WDR72: variants seen among roughly 807,000 people sequenced by gnomAD.
WDR72 encodes the protein WD repeat domain 72, also known as WD repeat-containing protein 72.
Under a neutral mutation model 124.2 loss-of-function variants are expected in WDR72, and 120 were observed. The observed-to-expected ratio is 0.97, with a 90% CI of 0.83 to 1.12. The LOEUF (loss-of-function observed/expected upper bound fraction) is 1.12. Ranked by LOEUF, WDR72 falls within the 50% of genes most tolerant of loss-of-function variation. The pLI is 0.00. For synonymous variants in WDR72, 452 were observed against 441.7 expected (o/e 1.02, Z -0.29); for missense variants, 1,387 against 1,278.8 (o/e 1.08, Z -1.29).
intron 19 of WDR72, among the ~76,000 whole-genome samples, chr15:53,521,905 C>T (rs1408721961): frequency 6.6e-6 from 1 of 152,074 alleles, no homozygotes; most frequent in Non-Finnish European, 1.5e-5. Flanking sequence ...TATTTACCCT[C>T]TCCCTTTTAG....
intron 18 of WDR72, among the ~76,000 whole-genome samples, chr15:53,528,580 T>C (rs938578926): frequency 1.3e-5 from 2 of 152,178 alleles, no homozygotes; most frequent in Non-Finnish European, 2.9e-5. Context: ...TTTCAACTAA[T>C]AAAAAATGAA....
At chr15:53,528,803 T>A (rs963652274) in intron 18 of WDR72, among the ~76,000 whole-genome samples, 3 of 151,974 alleles carry the variant, frequency 2.0e-5, no homozygotes, top group Admixed American at 2.0e-4. Context: ...GAGAAAGAGG[T>A]ATCAATTGCT....
intron 2 of WDR72, among the ~76,000 whole-genome samples, chr15:53,724,442 T>C (rs537730365): frequency 2.0e-4 from 31 of 152,264 alleles, no homozygotes; most frequent in African/African-American, 7.5e-4. Context: ...GACTCACAGT[T>C]CCACAGGCTT....
At chr15:53,680,639 C>T (rs1052881446) in intron 13 of WDR72, among the ~76,000 whole-genome samples, 1 of 152,178 alleles carries the variant, frequency 6.6e-6, no homozygotes, top group Non-Finnish European at 1.5e-5. Context: ...AGAACCTTAA[C>T]CCCATAAATT....
chr15:53,627,854 C>A (rs2014272726), intron 14 of WDR72, among the ~76,000 whole-genome samples: 1 of 152,056 alleles, frequency 6.6e-6, no homozygotes, highest in Admixed American at 6.5e-5. Flanking sequence ...ATAAGCTATA[C>A]TATTTTACAT....
At chr15:53,646,710 A>G (rs186341969) in intron 14 of WDR72, among the ~76,000 whole-genome samples, 48 of 152,292 alleles carry the variant, frequency 3.2e-4, no homozygotes, top group African/African-American at 1.1e-3. Flanking sequence ...ATGGTTTTAT[A>G]AATAATTCTG....
At chr15:53,722,689 A>AG in intron 3 of WDR72, 113 bp downstream of exon 3, 1 of 877,684 alleles carries the variant, frequency 1.1e-6, no homozygotes, top group Non-Finnish European at 1.9e-6. Context: ...CCTATATGTG[A>AG]GAGGCACATG....
intron 13 of WDR72, among the ~76,000 whole-genome samples, chr15:53,687,493 T>G (rs1457666618): frequency 6.6e-6 from 1 of 151,478 alleles, no homozygotes; most frequent in Non-Finnish European, 1.5e-5. Flanking sequence ...ACACATACAC[T>G]CTTCCAAGAC....
intron 13 of WDR72, among the ~76,000 whole-genome samples, chr15:53,669,255 C>G (rs943477948): frequency 6.6e-6 from 1 of 152,124 alleles, no homozygotes; most frequent in Non-Finnish European, 1.5e-5. Context: ...CTATGGACAG[C>G]TTTCTCTGGC....
Position 53,699,837 on chromosome 15 carries a change from C to A in WDR72, c.1678G>T (p.Val560Leu). 6.2e-7 allele frequency: 1 copy of A among 1,614,132 alleles called. No individual in the cohort carries two copies. The highest frequency in any genetic ancestry group is 1.1e-5 in the South Asian group (1 of 91,084). ...LLHARKHLFP[V>L]RMIKWHPVEN... ...ACCGGGTGCCATTTTATCATCCTCA[C>A]AGGAAAAAGGTGCTTCCGGGCATGC... The change falls in exon 13 of 20, where the codon GTG becomes TTG. Residue 560 changes from valine to leucine, a missense_variant. Transcript: ENST00000360509.
At chr15:53,572,424 C>T (rs202000913) in intron 18 of WDR72, among the ~76,000 whole-genome samples, 1 of 13,424 alleles carries the variant, frequency 7.4e-5, no homozygotes, top group East Asian at 1.6e-3. Context: ...TATTTTTTTG[C>T]CCTACCTATG....
At chr15:53,592,070 T>A (rs1043461903) in intron 18 of WDR72, among the ~76,000 whole-genome samples, 2 of 152,014 alleles carry the variant, frequency 1.3e-5, no homozygotes, top group Non-Finnish European at 2.9e-5. Context: ...ATCACTGTGC[T>A]TTGCCCCTAA....
At chr15:53,709,537 G>A (rs921920520) in intron 9 of WDR72, among the ~76,000 whole-genome samples, 13 of 152,152 alleles carry the variant, frequency 8.5e-5, no homozygotes, top group Non-Finnish European at 1.8e-4. Flanking sequence ...ACTGATCATT[G>A]GCTTTCAGGG....
At chr15:53,729,656 C>T (rs931638521) in intron 2 of WDR72, among the ~76,000 whole-genome samples, 20 of 152,126 alleles carry the variant, frequency 1.3e-4, no homozygotes, top group African/African-American at 4.8e-4. Context: ...GTCTTTCACA[C>T]ACACTTGTCA....
At chr15:53,746,848 T>C (rs1461744046) in intron 1 of WDR72, among the ~76,000 whole-genome samples, 1 of 152,214 alleles carries the variant, frequency 6.6e-6, no homozygotes, top group African/African-American at 2.4e-5. Context: ...AAATGTATTA[T>C]AAATTTACCC....
At chr15:53,731,036 A>C (rs936265514) in intron 2 of WDR72, among the ~76,000 whole-genome samples, 2 of 152,158 alleles carry the variant, frequency 1.3e-5, no homozygotes, top group African/African-American at 2.4e-5. Context: ...GAAAATCTTT[A>C]CATGGAGTAT....
intron 18 of WDR72, among the ~76,000 whole-genome samples, chr15:53,530,758 TTAAGA>T (rs1228515060): frequency 1.3e-5 from 2 of 152,006 alleles, no homozygotes; most frequent in Non-Finnish European, 2.9e-5. Flanking sequence ...ATATATGAAC[TTAAGA>T]TAAGGATTCA....
intron 18 of WDR72, among the ~76,000 whole-genome samples, chr15:53,556,378 A>C (rs16966210): frequency 0.23 from 34,472 of 152,090 alleles, 3,956 homozygotes; most frequent in African/African-American, 0.26. Context: ...CAAATAAGTC[A>C]CTTTTTCCCT....
At chr15:53,564,720 G>A (rs866550170) in intron 18 of WDR72, among the ~76,000 whole-genome samples, 1 of 151,824 alleles carries the variant, frequency 6.6e-6, no homozygotes, top group Non-Finnish European at 1.5e-5. Flanking sequence ...TTATTCAGTA[G>A]GATGACATTT....
Sources: allele counts gnomAD v4.1 joint callset (sites outside exome capture counted in the v4.1 genomes callset), GRCh38; gene constraint gnomAD v4.1.1; transcripts MANE v1.5; gene names NCBI Gene and HGNC (gene_info 2026-07-23, HGNC 2026-07-21).